MOB1B: variants seen among roughly 807,000 people sequenced by gnomAD.
The protein encoded by MOB1B is MOB kinase activator 1B.
A neutral mutation model predicts 24.4 loss-of-function variants in MOB1B; 19 were observed. The observed-to-expected ratio is 0.78, with a 90% CI of 0.54 to 1.14. MOB1B has a LOEUF of 1.14. Among genes scored for constraint, MOB1B ranks in the 50% most tolerant of loss-of-function variants. The probability of loss-of-function intolerance (pLI) is 0.00; values close to 1 mark genes in which losing one functional copy is unlikely to be tolerated. For synonymous variants in MOB1B, 76 were observed against 82.1 expected, an observed-to-expected ratio of 0.93 and a Z score of 0.40; for missense variants, 243 against 259.6, an observed-to-expected ratio of 0.94 and a Z score of 0.44.
chr4:70,909,115 G>T (rs1290174220), intron 1 of MOB1B, among the ~76,000 whole-genome samples: 1 of 151,626 alleles, frequency 6.6e-6, no homozygotes, highest in Non-Finnish European at 1.5e-5. Context: ...GTTTGTGTCT[G>T]TCTCTGTTTC....
chr4:70,927,066 C>T (rs958773730), intron 1 of MOB1B, among the ~76,000 whole-genome samples: 5 of 151,812 alleles, frequency 3.3e-5, no homozygotes, highest in South Asian at 2.1e-4. Flanking sequence ...TGGAGACCAG[C>T]GTGTTACATA....
chr4:70,916,942 C>T (rs775820420), intron 1 of MOB1B, among the ~76,000 whole-genome samples: 19 of 152,212 alleles, frequency 1.2e-4, no homozygotes, highest in Admixed American at 2.0e-4. Flanking sequence ...TGTTCACATA[C>T]TTCTCTGTTC....
chr4:70,973,974 A>G (rs892405854), intron 3 of MOB1B, among the ~76,000 whole-genome samples: 2 of 152,326 alleles, frequency 1.3e-5, no homozygotes, highest in African/African-American at 4.8e-5. Context: ...CTGACCTGTC[A>G]TTTAGCCCAA....
Position 70,983,776 on chromosome 4 carries a change from C to G in MOB1B, c.*1719C>G, listed in dbSNP as rs143635412. ...GCCTTTTTCTCCACTTCATTTCTAG[C>G]AATTATTTACCAAGTACCAACAGTA... On this transcript the variant is annotated 3_prime_UTR_variant, in exon 6 of 6. Transcript: ENST00000309395. 1.3e-5 allele frequency: 2 copies of G among 152,680 alleles called. No homozygotes were observed. The highest frequency in any genetic ancestry group is 2.9e-5 in the Non-Finnish European group (2 of 67,978). The allele number at this position is 152,680 out of a possible 1,614,324, so 9.5% of individuals were successfully genotyped here. A position where few individuals can be genotyped will look rare whatever the true frequency, so the allele number is the denominator to read the frequency against.
intron 1 of MOB1B, among the ~76,000 whole-genome samples, chr4:70,952,770 A>G (rs1414136579): frequency 6.6e-6 from 1 of 151,664 alleles, no homozygotes; most frequent in Non-Finnish European, 1.5e-5. Flanking sequence ...GTTTTTGAAA[A>G]TTTTTGTGAA....
chr4:70,976,756 A>T (rs986415806), intron 4 of MOB1B: 17 of 192,114 alleles, frequency 8.8e-5, no homozygotes, highest in Non-Finnish European at 1.2e-4. Context: ...TGAATTACAT[A>T]TATATATATA....
chr4:70,976,753 C>CATAT lies in MOB1B; in HGVS notation c.409+1486_409+1489dup, dbSNP rs376072053. 4.9e-3 allele frequency: 896 copies of CATAT among 184,066 alleles called. 16 individuals carry two copies. The highest frequency in any genetic ancestry group is 0.013 in the African/African-American group (428 of 32,440). The allele number at this position is 184,066 out of a possible 1,614,324, so 11.4% of individuals were successfully genotyped here. On this transcript the variant is annotated intron_variant, in intron 4 of 5. Coordinates refer to ENST00000309395, the MANE Select transcript of MOB1B (RefSeq NM_173468.4). ...AGAGCAATTTTTCAAGACTGAATTACATATATATATATATATATATATCTC... is the reference window on the plus strand; with the variant it reads ...AGAGCAATTTTTCAAGACTGAATTACATATATATATATATATATATATATATCTC...
intron 2 of MOB1B, among the ~76,000 whole-genome samples, chr4:70,963,821 A>G (rs192783257): frequency 5.9e-5 from 9 of 152,070 alleles, no homozygotes; most frequent in East Asian, 1.9e-4. Context: ...CTCCATCACA[A>G]AAGAAGAAAA....
Position 70,982,196 on chromosome 4 carries a change from T to C in MOB1B, c.*139T>C, listed in dbSNP as rs1739238472. 1.7e-6 allele frequency: 1 copy of C among 581,408 alleles called. No individual in the cohort carries two copies. The highest frequency in any genetic ancestry group is 3.0e-6 in the Non-Finnish European group (1 of 331,414). 36.0% of individuals were successfully genotyped at this position (581,408 alleles called of 1,614,324 possible). A position where few individuals can be genotyped will look rare whatever the true frequency, so the allele number is the denominator to read the frequency against. The stretch of plus-strand genomic sequence containing the variant: ...GGGCTTGTTTGGGTTCCTTTTTCTT[T>C]ATTCTGATTATGTGAAACCATATTC... On this transcript the variant is annotated 3_prime_UTR_variant, in exon 6 of 6. Transcript: ENST00000309395.
upstream of MOB1B, chr4:70,902,191 C>CAGAAGGAGA: frequency 2.2e-6 from 1 of 464,622 alleles, no homozygotes; most frequent in Non-Finnish European, 3.9e-6. Flanking sequence ...GGTGAGAGTC[C>CAGAAGGAGA]CCATGCCGCA....
intron 2 of MOB1B, among the ~76,000 whole-genome samples, chr4:70,959,437 C>G (rs1417599680): frequency 6.6e-6 from 1 of 152,186 alleles, no homozygotes; most frequent in Non-Finnish European, 1.5e-5. Flanking sequence ...TTGTCTTGAA[C>G]TCCTGACCTC....
chr4:70,904,817 G>C (rs980846311), intron 1 of MOB1B, among the ~76,000 whole-genome samples: 1 of 151,750 alleles, frequency 6.6e-6, no homozygotes, highest in African/African-American at 2.4e-5. Flanking sequence ...GAAACTAGGG[G>C]ATGGAGAAGT....
Position 70,902,467 on chromosome 4 carries a change from T to C in MOB1B, c.-70T>C, listed in dbSNP as rs1735548701. ...TGTCTCCTGTTCCATTCGCCTTTCCTCTTCTTTCCTGGCCCACGCCGCTCC... is the reference window on the plus strand; with the variant it reads ...TGTCTCCTGTTCCATTCGCCTTTCCCCTTCTTTCCTGGCCCACGCCGCTCC... On this transcript the variant is annotated 5_prime_UTR_variant, in exon 1 of 6. Coordinates refer to ENST00000309395, the MANE Select transcript of MOB1B (RefSeq NM_173468.4). The C allele has an allele frequency of 1.3e-6, 2 of 1,527,614 alleles. No individual in the cohort carries two copies. The highest frequency in any genetic ancestry group is 2.0e-5 in the Admixed American group (1 of 51,036). The allele number at this position is 1,527,614 out of a possible 1,614,324, so 94.6% of individuals were successfully genotyped here. A position where few individuals can be genotyped will look rare whatever the true frequency, so the allele number is the denominator to read the frequency against.
intron 2 of MOB1B, among the ~76,000 whole-genome samples, chr4:70,960,725 A>G (rs550718036): frequency 3.9e-5 from 6 of 152,236 alleles, no homozygotes; most frequent in Non-Finnish European, 8.8e-5. Flanking sequence ...GGCCTGCCGT[A>G]TTTCTAAGAT....
rs1282016132 is a variant in MOB1B, at chr4:70,983,264, CCTT to C, written c.*1211_*1213del. On this transcript the variant is annotated 3_prime_UTR_variant, in exon 6 of 6. Transcript: ENST00000309395. ...CCTGTCATTTTAAGATGATACCATA[CCTT>C]CTTTGGTTATTATAGGTCCAGTTTG... 21 of 152,466 alleles carry C rather than the reference CCTT, an allele frequency of 1.4e-4. No individual in the cohort carries two copies. The highest frequency in any genetic ancestry group is 5.1e-4 in the African/African-American group (21 of 41,420). The allele number at this position is 152,466 out of a possible 1,614,324, so 9.4% of individuals were successfully genotyped here.
chr4:70,908,580 C>T (rs908642935), intron 1 of MOB1B, among the ~76,000 whole-genome samples: 1 of 151,050 alleles, frequency 6.6e-6, no homozygotes, highest in African/African-American at 2.4e-5. Flanking sequence ...TGAGACCAGC[C>T]TGGCCAACAT....
intron 1 of MOB1B, among the ~76,000 whole-genome samples, chr4:70,904,352 A>T (rs1437399519): frequency 6.6e-6 from 1 of 152,060 alleles, no homozygotes; most frequent in Non-Finnish European, 1.5e-5. Context: ...TCTTGAGCTT[A>T]ATTTTACATT....
At chr4:70,904,498 T>C (rs28521016) in intron 1 of MOB1B, among the ~76,000 whole-genome samples, 152,005 of 152,046 alleles carry the variant, frequency 1, 75,982 homozygotes, top group Middle Eastern at 1. Flanking sequence ...CGGTGGCTCA[T>C]GCCTGTAATC....
intron 1 of MOB1B, among the ~76,000 whole-genome samples, chr4:70,958,485 C>A (rs367793964): frequency 3.2e-4 from 49 of 151,832 alleles, no homozygotes; most frequent in Non-Finnish European, 6.2e-4. Flanking sequence ...GCTTTTTTTT[C>A]TTGTTCCAGG....
Sources: allele counts gnomAD v4.1 joint callset (sites outside exome capture counted in the v4.1 genomes callset), GRCh38; gene constraint gnomAD v4.1.1; transcripts MANE v1.5; gene names NCBI Gene and HGNC (gene_info 2026-07-23, HGNC 2026-07-21).